Variants in CACNA1C observed in about 807,000 individuals in gnomAD.
CACNA1C encodes the protein voltage-dependent L-type calcium channel subunit alpha-1C.
CACNA1C carries 30 observed loss-of-function variants against 229.0 expected under a neutral mutation model. The ratio of observed to expected loss-of-function variants is 0.13; its 90% CI spans 0.10 to 0.18. CACNA1C has a LOEUF of 0.18. Among genes scored for constraint, CACNA1C ranks in the 10% least tolerant of loss-of-function variants. CACNA1C has a pLI of 1.00. For missense variants in CACNA1C, 1,658 were observed against 2,845.0 expected (o/e 0.58, Z 9.49); for synonymous variants, 1,114 against 1,132.5 (o/e 0.98, Z 0.33).
chr12:2,686,061 C>A, intron 44 of CACNA1C, 105 bp from the exon 45 acceptor site: 1 of 1,000,674 alleles, frequency 1.0e-6, no homozygotes, highest in Non-Finnish European at 1.6e-6. Context: ...GGAGGAGCGT[C>A]TCGGGCCATA....
chr12:2,310,072 T>G (rs899258918), intron 3 of CACNA1C, among the ~76,000 whole-genome samples: 4 of 152,212 alleles, frequency 2.6e-5, no homozygotes, highest in Non-Finnish European at 5.9e-5. Context: ...TCCGCAGAGC[T>G]GCTCAGCTCA....
At chr12:2,500,680 G>A (rs1390387606) in intron 7 of CACNA1C, among the ~76,000 whole-genome samples, 1 of 152,176 alleles carries the variant, frequency 6.6e-6, no homozygotes, top group Non-Finnish European at 1.5e-5. Flanking sequence ...GCCAAGAACA[G>A]ACATCCTCTG....
rs2051000481 is a variant in CACNA1C, at chr12:2,566,576, G to A, written c.1663G>A (p.Val555Ile). 1.3e-6 allele frequency: 2 copies of A among 1,596,784 alleles called. No individual in the cohort carries two copies. Among genetic ancestry groups the A allele is most frequent in the Admixed American group, 1.7e-5 (1 of 58,306 alleles). The change falls in exon 12 of 47, where the codon GTC becomes ATC. Residue 555 changes from valine to isoleucine, a missense_variant. Physicochemically the swap from Val to Ile is conservative, Grantham distance 29. Around this residue, in one of 20 missense-constraint regions of CACNA1C, gnomAD observed 149 missense variants for 194.2 expected, o/e 0.77. Transcript: ENST00000399655. This position sits in a 1 kb window ranked among gnomAD's most constrained non-coding sequence, Gnocchi z 4.0. ...CAACCAGCCCAACTGGCTCACAGAA[G>A]TCCAAGGTGAGCGGCGGCCCCAGCT... is the stretch of plus-strand genomic sequence containing the variant. ...HYNQPNWLTE[V>I]QDTANKALLA... is the part of the protein sequence containing the mutation.
chr12:2,421,092 A>G (rs1379987050), intron 3 of CACNA1C, among the ~76,000 whole-genome samples: 2 of 152,238 alleles, frequency 1.3e-5, no homozygotes, highest in South Asian at 4.1e-4. Context: ...GCTGTTACAT[A>G]AAGTTTTCAG....
chr12:2,012,843 G>C lies in CACNA1C; in HGVS notation c.139+41642G>C, dbSNP rs141760062. ...AAGTTCCAGGACACAATAAGAGCTT[G>C]GATGCTCCCTTGAGATCCATTGTAA... On this transcript the variant is annotated intron_variant, in intron 1 of 46. Coordinates refer to the CACNA1C transcript ENST00000682462. 5.5e-3 allele frequency among the ~76,000 whole-genome samples: 835 copies of C among 152,282 alleles called. 5 individuals are homozygous for C. Among genetic ancestry groups the C allele is most frequent in the African/African-American group, 0.018 (767 of 41,548 alleles).
At chr12:2,464,390 T>C (rs1033655901) in intron 5 of CACNA1C, among the ~76,000 whole-genome samples, 1 of 152,204 alleles carries the variant, frequency 6.6e-6, no homozygotes, top group Non-Finnish European at 1.5e-5. Context: ...CCAGACTTGA[T>C]AAGAGAACAT....
At chr12:2,395,434 G>T (rs2098552784) in intron 3 of CACNA1C, among the ~76,000 whole-genome samples, 1 of 152,094 alleles carries the variant, frequency 6.6e-6, no homozygotes, top group African/African-American at 2.4e-5. Flanking sequence ...GACCAGGCTG[G>T]TCTCGAACTC....
At chr12:2,076,275 C>T (rs576198707) in intron 1 of CACNA1C, among the ~76,000 whole-genome samples, 1 of 152,212 alleles carries the variant, frequency 6.6e-6, no homozygotes, top group South Asian at 2.1e-4. Context: ...GATTCACTGT[C>T]TAATTTAGGG....
At chr12:2,359,045 T>C (rs1048642675) in intron 3 of CACNA1C, among the ~76,000 whole-genome samples, 5 of 152,168 alleles carry the variant, frequency 3.3e-5, no homozygotes, top group Non-Finnish European at 7.3e-5. Flanking sequence ...TCCTGGCTGA[T>C]TTTTCATATC....
intron 1 of CACNA1C, among the ~76,000 whole-genome samples, chr12:2,083,843 T>C (rs920653828): frequency 1.3e-5 from 2 of 152,224 alleles, no homozygotes; most frequent in African/African-American, 4.8e-5. Flanking sequence ...TAAATGCATG[T>C]ATTCATTGGA....
intron 27 of CACNA1C, among the ~76,000 whole-genome samples, chr12:2,609,082 C>A (rs2076506032): frequency 2.0e-5 from 3 of 152,102 alleles, no homozygotes; most frequent in Admixed American, 1.3e-4. Flanking sequence ...GGAGTGAGGG[C>A]TTTTGGGGTG....
intron 3 of CACNA1C, among the ~76,000 whole-genome samples, chr12:2,371,724 CTTTTTTT>C (rs61627008): frequency 7.8e-6 from 1 of 129,016 alleles, no homozygotes; most frequent in African/African-American, 2.9e-5. Flanking sequence ...TGACATATGG[CTTTTTTT>C]TTTTTTTTTT....
At chr12:2,007,522 G>A (rs563378819) in intron 1 of CACNA1C, among the ~76,000 whole-genome samples, 2 of 152,328 alleles carry the variant, frequency 1.3e-5, no homozygotes, top group South Asian at 4.1e-4. Context: ...TCTTGTGTCT[G>A]TGCTGAAATT....
chr12:2,202,886 G>T (rs996649917), intron 3 of CACNA1C, among the ~76,000 whole-genome samples: 4 of 152,172 alleles, frequency 2.6e-5, no homozygotes, highest in Non-Finnish European at 5.9e-5. Flanking sequence ...TCTGACAGAG[G>T]TCCCCAAGTC....
At chr12:2,492,134 G>A (rs7305879) in intron 6 of CACNA1C, among the ~76,000 whole-genome samples, 11,095 of 152,104 alleles carry the variant, frequency 0.073, 779 homozygotes, top group East Asian at 0.33. Flanking sequence ...ATTCCACACC[G>A]TTACCTTCCA....
chr12:2,570,289 G>T (rs1292829717), intron 13 of CACNA1C, among the ~76,000 whole-genome samples: 2 of 152,128 alleles, frequency 1.3e-5, no homozygotes, highest in African/African-American at 4.8e-5. Flanking sequence ...CTTCAGTTCA[G>T]GATCTGGAGC....
chr12:2,416,810 G>T (rs2098913129), intron 3 of CACNA1C, among the ~76,000 whole-genome samples: 1 of 152,200 alleles, frequency 6.6e-6, no homozygotes, highest in South Asian at 2.1e-4. Flanking sequence ...CTCTGAAAAG[G>T]ACCCTTTACA....
At position 2,606,971 on chromosome 12, in the gene CACNA1C, C is replaced by A. The variant is rs762235690; in HGVS notation, c.3210-13C>A. 2.5e-5 allele frequency: 41 copies of A among 1,612,912 alleles called. No individual in the cohort carries two copies. Among genetic ancestry groups the A allele is most frequent in the Non-Finnish European group, 3.2e-5 (38 of 1,179,092 alleles). On this transcript the variant is annotated splice_polypyrimidine_tract_variant and intron_variant, in intron 25 of 46. Coordinates refer to ENST00000399655, the MANE Select transcript of CACNA1C (RefSeq NM_000719.7). ...GGAGATCCCAGAGTAAACTCCTTCT[C>A]CTCCTCTCTCAGGGGCAACTACATC...
intron 1 of CACNA1C, among the ~76,000 whole-genome samples, chr12:2,002,785 A>G (rs1467662549): frequency 2.0e-5 from 3 of 152,180 alleles, no homozygotes; most frequent in African/African-American, 4.8e-5. Flanking sequence ...ATTTTTCTAC[A>G]GAGCAGCAAA....
Sources: allele counts gnomAD v4.1 joint callset (sites outside exome capture counted in the v4.1 genomes callset), GRCh38; gene constraint gnomAD v4.1.1; regional missense constraint gnomAD v4.1.1; non-coding constraint Gnocchi (gnomAD v3.1); transcripts MANE v1.5; gene names NCBI Gene and HGNC (gene_info 2026-07-23, HGNC 2026-07-21).